USP49: variants seen among roughly 807,000 people sequenced by gnomAD.
USP49 encodes ubiquitin carboxyl-terminal hydrolase 49.
A neutral mutation model predicts 58.6 loss-of-function variants in USP49; 24 were observed. The observed-to-expected ratio is 0.41, with a 90% confidence interval of 0.30 to 0.58. The LOEUF (loss-of-function observed/expected upper bound fraction) is 0.58. Among genes scored for constraint, USP49 ranks in the 20% least tolerant of loss-of-function variants. The pLI, the probability that USP49 is intolerant of heterozygous loss-of-function variation, is 0.30. For missense variants in USP49, 703 were observed against 866.1 expected, an observed-to-expected ratio of 0.81 and a Z score of 2.36; for synonymous variants, 408 against 365.1, an observed-to-expected ratio of 1.12 and a Z score of -1.34.
At chr6:41,827,199 T>A (rs1308620835) in intron 3 of USP49, among the ~76,000 whole-genome samples, 1 of 152,200 alleles carries the variant, frequency 6.6e-6, no homozygotes, top group Admixed American at 6.5e-5. Flanking sequence ...CTGGGCATCA[T>A]ACGTTATTCT....
chr6:41,818,681 C>T (rs1021611322), intron 3 of USP49, among the ~76,000 whole-genome samples: 1 of 152,198 alleles, frequency 6.6e-6, no homozygotes, highest in African/African-American at 2.4e-5. Context: ...GGTCAGCTAA[C>T]CCAACTTCCC....
chr6:41,852,534 A>C (rs1168091026), intron 3 of USP49, among the ~76,000 whole-genome samples: 1 of 152,228 alleles, frequency 6.6e-6, no homozygotes, highest in African/African-American at 2.4e-5. Flanking sequence ...CAAGTGAAAG[A>C]CTTGGACGAT....
At chr6:41,882,347 A>G (rs1440190527) in intron 2 of USP49, among the ~76,000 whole-genome samples, 4 of 152,250 alleles carry the variant, frequency 2.6e-5, no homozygotes, top group Admixed American at 6.5e-5. Flanking sequence ...TTGATTTACA[A>G]TAAGGGTGTT....
At chr6:41,876,712 G>A (rs575333364) in intron 2 of USP49, among the ~76,000 whole-genome samples, 4 of 152,216 alleles carry the variant, frequency 2.6e-5, no homozygotes, top group South Asian at 2.1e-4. Flanking sequence ...GCAACCTGCC[G>A]TAATCGAAGT....
rs1339134983 is a variant in USP49, at chr6:41,836,150, A to G, written c.-28-29139T>C. Among the ~76,000 whole-genome samples, 4 of 152,110 alleles carry G rather than the reference A, an allele frequency of 2.6e-5. No homozygotes were observed. The East Asian group carries it at 7.7e-4, about 29-fold the overall frequency. On this transcript the variant is annotated intron_variant, in intron 3 of 7. Coordinates refer to ENST00000682992, the MANE Select transcript of USP49 (RefSeq NM_001286554.2). ...ACATAGGTAGAGTAAGCTGGAAGGG[A>G]GTTGAAAAAGAAGGGGGTTTTTTGG... is the stretch of plus-strand genomic sequence containing the variant.
At chr6:41,800,101 C>A (rs1328063995) in intron 5 of USP49, among the ~76,000 whole-genome samples, 163 bp from the exon 6 acceptor site, 1 of 152,094 alleles carries the variant, frequency 6.6e-6, no homozygotes, top group Non-Finnish European at 1.5e-5. Context: ...CTGCATTTCC[C>A]AGCTTCACAC....
intron 2 of USP49, among the ~76,000 whole-genome samples, chr6:41,891,333 G>A (rs543407820): frequency 1.6e-4 from 24 of 152,312 alleles, no homozygotes; most frequent in Middle Eastern, 3.4e-3. Flanking sequence ...AGTATTATTT[G>A]TAATATAAGA....
chr6:41,858,121 T>A (rs1372632756), intron 3 of USP49, among the ~76,000 whole-genome samples: 1 of 152,142 alleles, frequency 6.6e-6, no homozygotes, highest in Admixed American at 6.6e-5. Context: ...TGCTGCCCCA[T>A]CATTCAGGTA....
intron 5 of USP49, among the ~76,000 whole-genome samples, chr6:41,802,460 A>ATTT (rs71545916): frequency 4.6e-4 from 33 of 71,376 alleles, no homozygotes; most frequent in African/African-American, 9.9e-4. Context: ...TTATTTATTT[A>ATTT]TTTATTTATT....
At chr6:41,882,655 G>A (rs573087975) in intron 2 of USP49, among the ~76,000 whole-genome samples, 18 of 152,300 alleles carry the variant, frequency 1.2e-4, no homozygotes, top group Non-Finnish European at 2.2e-4. Flanking sequence ...AGTGGCTCAC[G>A]CCTGTAATCC....
intron 1 of USP49, chr6:41,894,536 C>T (rs1354228862): frequency 6.6e-6 from 1 of 152,598 alleles, no homozygotes; most frequent in African/African-American, 2.4e-5. Flanking sequence ...GGTCCCAGTC[C>T]TTCAGCTCAT....
At chr6:41,868,395 T>G (rs1237559096) in intron 3 of USP49, among the ~76,000 whole-genome samples, 1 of 152,232 alleles carries the variant, frequency 6.6e-6, no homozygotes, top group Non-Finnish European at 1.5e-5. Flanking sequence ...TAGTGCGATC[T>G]TGGCTCACTG....
At position 41,830,281 on chromosome 6, in the gene USP49, G is replaced by A. The variant is rs150532713; in HGVS notation, c.-28-23270C>T. On this transcript the variant is annotated intron_variant, in intron 3 of 7. Transcript: ENST00000682992. Reference sequence around the variant, plus strand: ...CATGAAGGTCTGATAAAACTTACCTGTAAACCTGTCTCATCTAGGCATTTT... The same window carrying A: ...CATGAAGGTCTGATAAAACTTACCTATAAACCTGTCTCATCTAGGCATTTT... Among the ~76,000 whole-genome samples, 192 of 152,178 alleles carry A rather than the reference G, an allele frequency of 1.3e-3. 1 individual carries two copies. The highest frequency in any genetic ancestry group is 5.7e-3 in the Admixed American group (87 of 15,276).
At chr6:41,881,248 T>C (rs1022228488) in intron 2 of USP49, among the ~76,000 whole-genome samples, 5 of 112,014 alleles carry the variant, frequency 4.5e-5, no homozygotes, top group Non-Finnish European at 6.7e-5. Flanking sequence ...CAGATTTTTG[T>C]AAGCATAAGC....
chr6:41,895,297 T>A (rs1774879710), intron 1 of USP49, 27 bp downstream of exon 1: 1 of 92,080 alleles, frequency 1.1e-5, no homozygotes, highest in South Asian at 3.9e-4. Flanking sequence ...ACCTCCTCCG[T>A]CCCCTCCCCC....
At chr6:41,818,826 C>T (rs902864886) in intron 3 of USP49, among the ~76,000 whole-genome samples, 47 of 152,234 alleles carry the variant, frequency 3.1e-4, no homozygotes, top group South Asian at 6.2e-4. Context: ...CTTCCTGTTA[C>T]TGAAGATAAG....
In USP49 at chr6:41,796,707, G is replaced by C. The variant is rs1772893022; in HGVS notation, c.1893C>G (p.Cys631Trp). ...YNTEGGFWVH[C>W]NDSKLNVCSV... is the part of the protein sequence containing the mutation. ...TGCATACATTCAGCTTTGAGTCATT[G>C]CAGTGGACCCAAAAACCTAGGAAAC... Residue 631 changes from cysteine to tryptophan, a missense_variant, in exon 8 of 8, where the codon TGC (cysteine) becomes TGG (tryptophan). This residue lies in a region of USP49 where 158 missense variants were observed against 241.2 expected (regional missense o/e 0.66). Coordinates refer to ENST00000682992, the MANE Select transcript of USP49 (RefSeq NM_001286554.2). 1 of 717,072 alleles carries C rather than the reference G, an allele frequency of 1.4e-6. No homozygotes were observed. Among genetic ancestry groups the C allele is most frequent in the Admixed American group, 2.0e-5 (1 of 49,864 alleles). The allele number at this position is 717,072 out of a possible 1,614,324, so 44.4% of individuals were successfully genotyped here.
chr6:41,892,781 G>C (rs1774831502), intron 1 of USP49, among the ~76,000 whole-genome samples: 2 of 152,110 alleles, frequency 1.3e-5, no homozygotes, highest in African/African-American at 4.8e-5. Flanking sequence ...GTGCATCTGA[G>C]TGTACACAAT....
intron 3 of USP49, among the ~76,000 whole-genome samples, chr6:41,857,205 T>C (rs1479155237): frequency 6.6e-6 from 1 of 152,222 alleles, no homozygotes; most frequent in Non-Finnish European, 1.5e-5. Flanking sequence ...AAAGTGACAG[T>C]GGCCTTGAGG....
Sources: gnomAD v4.1 joint callset for allele counts (sites outside exome capture counted in the v4.1 genomes callset) on GRCh38, gnomAD v4.1.1 for gene constraint, gnomAD v4.1.1 regional missense constraint, MANE v1.5 for transcripts, NCBI Gene and HGNC (gene_info 2026-07-23, HGNC 2026-07-21) for gene names.